Variants in NCOA1 observed in about 807,000 individuals in gnomAD.
The protein encoded by NCOA1 is Hin-2 protein.
NCOA1 carries 35 observed loss-of-function variants against 150.9 expected under a neutral mutation model. The observed-to-expected ratio is 0.23, with a 90% confidence interval of 0.18 to 0.31. NCOA1 has a LOEUF of 0.31. Among genes scored for constraint, NCOA1 ranks in the 10% least tolerant of loss-of-function variants. The probability of loss-of-function intolerance (pLI) is 1.00; values close to 1 mark genes in which losing one functional copy is unlikely to be tolerated. For synonymous variants in NCOA1, 590 were observed against 630.0 expected (o/e 0.94, Z 0.95); for missense variants, 1,491 against 1,749.3 (o/e 0.85, Z 2.63).
chr2:24,541,421 A>G (rs568719813), intron 1 of NCOA1, among the ~76,000 whole-genome samples: 1 of 152,366 alleles, frequency 6.6e-6, no homozygotes, highest in South Asian at 2.1e-4. Context: ...TGACCAAAAC[A>G]GGAACAGCTG....
chr2:24,720,976 C>T (rs1047045952), intron 14 of NCOA1, among the ~76,000 whole-genome samples: 6 of 152,166 alleles, frequency 3.9e-5, no homozygotes, highest in African/African-American at 1.4e-4. Flanking sequence ...AATTATCATC[C>T]TCCTTCACCA....
At chr2:24,628,805 A>G (rs1055306141) in intron 3 of NCOA1, among the ~76,000 whole-genome samples, 2 of 152,118 alleles carry the variant, frequency 1.3e-5, no homozygotes, top group East Asian at 3.9e-4. Flanking sequence ...AGGAAGAAAG[A>G]TTGGGGAATA....
chr2:24,729,900 C>T, intron 17 of NCOA1, 85 bp downstream of exon 17: 7 of 1,414,944 alleles, frequency 4.9e-6, no homozygotes, highest in Non-Finnish European at 6.7e-6. Context: ...GGCTAGTGTG[C>T]AGTAGTGCTA....
At chr2:24,622,500 A>G (rs1034162869) in intron 3 of NCOA1, among the ~76,000 whole-genome samples, 1 of 152,240 alleles carries the variant, frequency 6.6e-6, no homozygotes, top group Non-Finnish European at 1.5e-5. Flanking sequence ...TTTTGATTAT[A>G]TGGTGAAGAC....
chr2:24,553,956 C>T (rs1280135243), intron 1 of NCOA1, among the ~76,000 whole-genome samples: 1 of 152,100 alleles, frequency 6.6e-6, no homozygotes, highest in East Asian at 1.9e-4. Context: ...GGAATTGGTA[C>T]GTTTTATCTA....
At chr2:24,586,103 C>A (rs1019226971) in intron 3 of NCOA1, among the ~76,000 whole-genome samples, 1 of 151,672 alleles carries the variant, frequency 6.6e-6, no homozygotes, top group Non-Finnish European at 1.5e-5. Flanking sequence ...GGAAAAAACC[C>A]GCCTCTACTA....
At chr2:24,517,609 C>T (rs543519067) in intron 1 of NCOA1, among the ~76,000 whole-genome samples, 3 of 152,110 alleles carry the variant, frequency 2.0e-5, no homozygotes, top group Admixed American at 6.5e-5. Context: ...ATTTATTTAT[C>T]TGGCTCAAAC....
At position 24,769,614 on chromosome 2, in the gene NCOA1, T is replaced by G. The variant is rs1665228877; in HGVS notation, c.*1223T>G. On this transcript the variant is annotated 3_prime_UTR_variant, in exon 23 of 23. Transcript: ENST00000348332. ...GGAAATCTTCATTTTTTAGATTGAC[T>G]TTGGGAATTTGAATTTTCATCAGTG... The G allele has an allele frequency of 4.9e-6, 1 of 205,606 alleles. No individual in the cohort carries two copies. Among genetic ancestry groups the G allele is most frequent in the Non-Finnish European group, 1.0e-5 (1 of 100,388 alleles). 12.7% of individuals were successfully genotyped at this position (205,606 alleles called of 1,614,324 possible).
At chr2:24,671,162 A>T (rs1671663951) in intron 6 of NCOA1, among the ~76,000 whole-genome samples, 1 of 152,230 alleles carries the variant, frequency 6.6e-6, no homozygotes, top group African/African-American at 2.4e-5. Context: ...CAGATTATTT[A>T]TATAATATAA....
At chr2:24,639,248 T>TA (rs1228358718) in intron 3 of NCOA1, among the ~76,000 whole-genome samples, 1 of 152,120 alleles carries the variant, frequency 6.6e-6, no homozygotes, top group Non-Finnish European at 1.5e-5. Flanking sequence ...ATTTAATACA[T>TA]ACAGTCTGTT....
At chr2:24,515,719 T>C (rs1192071654) in intron 1 of NCOA1, among the ~76,000 whole-genome samples, 1 of 152,138 alleles carries the variant, frequency 6.6e-6, no homozygotes, top group Non-Finnish European at 1.5e-5. Flanking sequence ...GGGGAAATGT[T>C]AAAAAGTAGG....
At chr2:24,637,065 A>AT (rs1416527761) in intron 3 of NCOA1, among the ~76,000 whole-genome samples, 9 of 150,750 alleles carry the variant, frequency 6.0e-5, no homozygotes, top group Admixed American at 2.0e-4. Flanking sequence ...TTTTTTTGAG[A>AT]TTTTTTAAAA....
intron 3 of NCOA1, among the ~76,000 whole-genome samples, chr2:24,613,632 C>T (rs1234063784): frequency 2.0e-5 from 3 of 150,578 alleles, no homozygotes. Context: ...GTGCTGCGTA[C>T]AGAGGGCCCT....
chr2:24,695,248 A>G (rs561246667), intron 10 of NCOA1, among the ~76,000 whole-genome samples: 95 of 152,182 alleles, frequency 6.2e-4, no homozygotes, highest in Non-Finnish European at 8.5e-4. Flanking sequence ...ATCATGTAAA[A>G]TAAAAAATTA....
rs911403272 is a variant in NCOA1, at chr2:24,577,440, G to C, written c.-259-7036G>C. 4.6e-5 allele frequency among the ~76,000 whole-genome samples: 7 copies of C among 151,992 alleles called. No homozygotes were observed. In the South Asian group the frequency reaches 1.0e-3, roughly 22 times the overall value. ...CATATAACTTCTACCTCATCTTTTT[G>C]GGAATCATAAGATTGAGTGTAATCG... On this transcript the variant is annotated intron_variant, in intron 2 of 22. Transcript: ENST00000348332.
At chr2:24,586,275 CAAA>C (rs34590281) in intron 3 of NCOA1, among the ~76,000 whole-genome samples, 1,482 of 66,102 alleles carry the variant, frequency 0.022, 6 homozygotes, top group Non-Finnish European at 0.031. Flanking sequence ...GACTCGGTCT[CAAA>C]AAAAAAAAAA....
At chr2:24,642,044 G>GCA (rs1279380239) in intron 3 of NCOA1, among the ~76,000 whole-genome samples, 6 of 151,126 alleles carry the variant, frequency 4.0e-5, no homozygotes, top group African/African-American at 1.5e-4. Flanking sequence ...GTGTGCGCGC[G>GCA]TGCGTATGTG....
intron 1 of NCOA1, among the ~76,000 whole-genome samples, chr2:24,516,255 C>T (rs1480226346): frequency 7.9e-5 from 11 of 138,994 alleles, no homozygotes; most frequent in African/African-American, 2.7e-5. Flanking sequence ...TGCAGTGGCA[C>T]GATCTCGGCC....
chr2:24,706,563 C>A lies in NCOA1; in HGVS notation c.1098-5C>A. The A allele has an allele frequency of 6.3e-7, 1 of 1,596,502 alleles. No homozygotes were observed. Among genetic ancestry groups the A allele is most frequent in the South Asian group, 1.1e-5 (1 of 88,792 alleles). On this transcript the variant is annotated splice_polypyrimidine_tract_variant and splice_region_variant and intron_variant, in intron 12 of 22. Coordinates refer to ENST00000348332, the MANE Select transcript of NCOA1 (RefSeq NM_003743.5). The stretch of plus-strand genomic sequence containing the variant: ...GTTTGAATAATAATGTCTTTTTCCC[C>A]CTAGGGAGCACAGTGGGCTTTCTCC...
Sources: gnomAD v4.1 joint callset for allele counts (sites outside exome capture counted in the v4.1 genomes callset) on GRCh38, gnomAD v4.1.1 for gene constraint, MANE v1.5 for transcripts, NCBI Gene and HGNC (gene_info 2026-07-23, HGNC 2026-07-21) for gene names.